ITGA6: variants seen among roughly 807,000 people sequenced by gnomAD.
The protein encoded by ITGA6 is integrin alpha-6.
A neutral mutation model predicts 133.6 loss-of-function variants in ITGA6; 63 were observed. The observed-to-expected ratio is 0.47, with a 90% CI of 0.38 to 0.58. ITGA6 has a LOEUF of 0.58. ITGA6 is among the 20% of genes least tolerant of loss of function. ITGA6 has a pLI of 0.00. For synonymous variants in ITGA6, 434 were observed against 482.0 expected, an observed-to-expected ratio of 0.90 and a Z score of 1.30; for missense variants, 1,068 against 1,309.4, an observed-to-expected ratio of 0.82 and a Z score of 2.85.
intron 1 of ITGA6, among the ~76,000 whole-genome samples, chr2:172,447,347 G>A (rs1455739251): frequency 6.6e-6 from 1 of 152,116 alleles, no homozygotes; most frequent in Non-Finnish European, 1.5e-5. Context: ...TGGGATTGCA[G>A]GCGTCCACCA....
chr2:172,501,026 A>G (rs1451082969), intron 24 of ITGA6, among the ~76,000 whole-genome samples: 1 of 152,208 alleles, frequency 6.6e-6, no homozygotes, highest in Admixed American at 6.5e-5. Context: ...AGACAGTTCC[A>G]TGGCCTTATG....
At chr2:172,454,752 A>G (rs1685146146) in intron 1 of ITGA6, among the ~76,000 whole-genome samples, 1 of 152,186 alleles carries the variant, frequency 6.6e-6, no homozygotes, top group African/African-American at 2.4e-5. Flanking sequence ...ACTGATGTTA[A>G]AATCAGGGAA....
At chr2:172,480,455 A>C (rs1010006872) in intron 11 of ITGA6, among the ~76,000 whole-genome samples, 1 of 151,796 alleles carries the variant, frequency 6.6e-6, no homozygotes, top group South Asian at 2.1e-4. Flanking sequence ...GGCAGGAGCC[A>C]GAGCACAGCA....
chr2:172,504,413 C>T lies in ITGA6; in HGVS notation c.*345C>T. ...TTTAACTGTGGATATTGTTACGTAG[C>T]CTAAGGCTCCTGTTTTGCACAGCCA... On this transcript the variant is annotated 3_prime_UTR_variant, in exon 26 of 26. Transcript: ENST00000684293. 2.0e-6 allele frequency: 1 copy of T among 494,718 alleles called. No homozygotes were observed. 30.6% of individuals were successfully genotyped at this position (494,718 alleles called of 1,614,324 possible). A position where few individuals can be genotyped will look rare whatever the true frequency, so the allele number is the denominator to read the frequency against.
In ITGA6 at chr2:172,476,374, C is replaced by T. The variant is rs200583233; in HGVS notation, c.1270-21C>T. 58 of 1,242,838 alleles carry T rather than the reference C, an allele frequency of 4.7e-5. No homozygotes were observed. The Middle Eastern group carries it at 1.5e-3, about 32-fold the overall frequency. 77.0% of individuals were successfully genotyped at this position (1,242,838 alleles called of 1,614,324 possible). On this transcript the variant is annotated intron_variant, in intron 8 of 25. Transcript: ENST00000684293. ...TCATGGTGATAACCTAATGTCCATT[C>T]GGATGCCCTGTGTATTTCAGGTTCT...
chr2:172,440,638 G>A (rs1294963078), intron 1 of ITGA6, among the ~76,000 whole-genome samples: 1 of 152,160 alleles, frequency 6.6e-6, no homozygotes. Context: ...TATGGTACAA[G>A]TTGAAATTTA....
Position 172,491,079 on chromosome 2 carries a change from A to G in ITGA6, c.2735A>G (p.Asn912Ser), listed in dbSNP as rs1426388151. 2 of 1,593,494 alleles carry G rather than the reference A, an allele frequency of 1.3e-6. No homozygotes were observed. The highest frequency in any genetic ancestry group is 1.7e-6 in the Non-Finnish European group (2 of 1,161,460). ...ATTACTGAAAAACAGATAGATGATAACAGAAAATTTTCTTTATTTGCTGAA... is the reference window on the plus strand; with the variant it reads ...ATTACTGAAAAACAGATAGATGATAGCAGAAAATTTTCTTTATTTGCTGAA... ...REITEKQIDD[N>S]RKFSLFAERK... is the part of the protein sequence containing the mutation. The change falls in exon 21 of 26, where the codon AAC becomes AGC. Residue 912 changes from asparagine to serine, a missense_variant. Coordinates refer to ENST00000684293, the MANE Select transcript of ITGA6 (RefSeq NM_000210.4). This position sits in a 1 kb window ranked among gnomAD's most constrained non-coding sequence, Gnocchi z 4.4.
intron 25 of ITGA6, among the ~76,000 whole-genome samples, 176 bp downstream of exon 25, chr2:172,502,077 GT>G (rs944695976): frequency 1.1e-4 from 16 of 151,682 alleles, no homozygotes; most frequent in Non-Finnish European, 2.2e-4. Context: ...CTCAGTTTTT[GT>G]TTTTTTTAAT....
intron 1 of ITGA6, among the ~76,000 whole-genome samples, chr2:172,458,092 C>G (rs1372788234): frequency 6.6e-6 from 1 of 152,146 alleles, no homozygotes; most frequent in Admixed American, 6.5e-5. Context: ...TTCCCTACCT[C>G]TGTCTGGAGT....
At chr2:172,482,791 A>C (rs1285977372) in intron 11 of ITGA6, among the ~76,000 whole-genome samples, 1 of 152,232 alleles carries the variant, frequency 6.6e-6, no homozygotes, top group African/African-American at 2.4e-5. Flanking sequence ...ATGGACACAA[A>C]AATTACTATT....
At chr2:172,433,507 G>A (rs1207355523) in intron 1 of ITGA6, among the ~76,000 whole-genome samples, 1 of 152,146 alleles carries the variant, frequency 6.6e-6, no homozygotes, top group Non-Finnish European at 1.5e-5. Flanking sequence ...AGGCCTTCCT[G>A]CCTTCAGCTG....
intron 24 of ITGA6, among the ~76,000 whole-genome samples, chr2:172,498,330 G>T (rs1687214644): frequency 6.6e-6 from 1 of 152,048 alleles, no homozygotes; most frequent in African/African-American, 2.4e-5. Flanking sequence ...TTCTTCATTT[G>T]TCTCTCACAC....
At chr2:172,459,215 C>T (rs191400868) in intron 1 of ITGA6, among the ~76,000 whole-genome samples, 144 of 152,278 alleles carry the variant, frequency 9.5e-4, no homozygotes, top group African/African-American at 3.1e-3. Flanking sequence ...AAGTAGAGAA[C>T]GTGGTGGAGC....
intron 25 of ITGA6, chr2:172,503,736 C>T (rs1345924663): frequency 6.3e-6 from 1 of 158,320 alleles, no homozygotes; most frequent in African/African-American, 2.4e-5. Flanking sequence ...TATTCTTAAT[C>T]TAATCTGATA....
intron 23 of ITGA6, 44 bp from the exon 24 acceptor site, chr2:172,497,931 T>C (rs923586633): frequency 6.8e-6 from 11 of 1,611,790 alleles, no homozygotes; most frequent in East Asian, 2.2e-5. Context: ...GTGTGAACTC[T>C]TGCCGCTGTA....
intron 1 of ITGA6, among the ~76,000 whole-genome samples, chr2:172,433,004 G>T (rs1684168027): frequency 6.6e-6 from 1 of 152,170 alleles, no homozygotes; most frequent in Non-Finnish European, 1.5e-5. Context: ...TGGTGGGAAG[G>T]CTGCTTACCT....
Position 172,491,310 on chromosome 2 carries a change from A to G in ITGA6, c.2868A>G (p.Leu956=). The change falls in exon 22 of 26, where the codon TTA becomes TTG. Residue 956 remains leucine (L), a synonymous_variant. Coordinates refer to ENST00000684293, the MANE Select transcript of ITGA6 (RefSeq NM_000210.4). The surrounding 1 kb of genome is among the most constrained non-coding windows in gnomAD (Gnocchi z 4.4). ...CGTCTCTTATTTTGCGCTCGAGGTT[A>G]TGGAACAGCACATTTCTAGAGGTAT... is the stretch of plus-strand genomic sequence containing the variant. ...SKASLILRSR[L]WNSTFLEEYS... 1 of 1,610,448 alleles carries G rather than the reference A, an allele frequency of 6.2e-7. No homozygotes were observed. Among genetic ancestry groups the G allele is most frequent in the Admixed American group, 1.7e-5 (1 of 60,014 alleles).
chr2:172,484,968 G>A, intron 12 of ITGA6, 26 bp downstream of exon 12: 1 of 1,612,580 alleles, frequency 6.2e-7, no homozygotes, highest in African/African-American at 1.3e-5. Flanking sequence ...GGTCACATCT[G>A]TTTTATGAAG....
Position 172,463,120 on chromosome 2 carries a change from A to C in ITGA6, c.183-2419A>C, listed in dbSNP as rs560213593. 5.9e-5 allele frequency among the ~76,000 whole-genome samples: 9 copies of C among 152,226 alleles called. No individual in the cohort carries two copies. The South Asian group carries it at 1.9e-3, about 32-fold the overall frequency. On this transcript the variant is annotated intron_variant, in intron 1 of 25. Transcript: ENST00000684293. ...CGGATCAGGCTTCCCCAGGCCAGAG[A>C]TTGAGGAGTGGGGGCAATTCCTTAT... is the stretch of plus-strand genomic sequence containing the variant.
Sources: gnomAD v4.1 joint callset for allele counts (sites outside exome capture counted in the v4.1 genomes callset) on GRCh38, gnomAD v4.1.1 for gene constraint, Gnocchi (gnomAD v3.1) non-coding constraint, MANE v1.5 for transcripts, NCBI Gene and HGNC (gene_info 2026-07-23, HGNC 2026-07-21) for gene names.